The following OPCML variants were observed in gnomAD, a reference collection of about 807,000 sequenced individuals.
The protein encoded by OPCML is opioid binding protein/cell adhesion molecule like, also known as opioid-binding protein/cell adhesion molecule.
A neutral mutation model predicts 37.8 loss-of-function variants in OPCML; 13 were observed. The ratio of observed to expected loss-of-function variants is 0.34; its 90% CI spans 0.22 to 0.55. OPCML has a LOEUF of 0.55. Ranked by LOEUF, OPCML falls within the 20% of genes least tolerant of loss-of-function variation. The pLI, the probability that OPCML is intolerant of heterozygous loss-of-function variation, is 0.91. For missense variants in OPCML, 341 were observed against 435.6 expected (o/e 0.78, Z 1.93); for synonymous variants, 176 against 168.8 (o/e 1.04, Z -0.33).
intron 1 of OPCML, among the ~76,000 whole-genome samples, chr11:132,978,223 A>C (rs571652745): frequency 6.6e-6 from 1 of 152,328 alleles, no homozygotes; most frequent in African/African-American, 2.4e-5. Flanking sequence ...GATAAAAGGT[A>C]GGAAAATCGT....
At chr11:132,794,866 A>G (rs542918970) in intron 2 of OPCML, among the ~76,000 whole-genome samples, 1 of 151,360 alleles carries the variant, frequency 6.6e-6, no homozygotes, top group Non-Finnish European at 1.5e-5. Flanking sequence ...AATTTGACCT[A>G]TCAACCTAAC....
chr11:132,957,060 G>A (rs1464543969), intron 1 of OPCML, among the ~76,000 whole-genome samples: 1 of 152,224 alleles, frequency 6.6e-6, no homozygotes, highest in Admixed American at 6.5e-5. Flanking sequence ...GAGTCCAGGA[G>A]TTTGAGGCTG....
intron 2 of OPCML, among the ~76,000 whole-genome samples, chr11:132,695,462 G>A (rs550141914): frequency 2.0e-5 from 3 of 152,298 alleles, no homozygotes; most frequent in African/African-American, 7.2e-5. Context: ...GAAGGGCTGA[G>A]CATGAGAGCT....
chr11:132,918,567 T>G (rs1191292525), intron 2 of OPCML, among the ~76,000 whole-genome samples: 2 of 152,232 alleles, frequency 1.3e-5, no homozygotes, highest in African/African-American at 4.8e-5. Context: ...GGTCTTTGAT[T>G]TTTTTAAGTC....
At chr11:132,963,198 G>A (rs934045649) in intron 1 of OPCML, among the ~76,000 whole-genome samples, 12 of 152,094 alleles carry the variant, frequency 7.9e-5, no homozygotes, top group African/African-American at 2.9e-4. Flanking sequence ...GTGTGTTAAC[G>A]CTAACATCTC....
intron 1 of OPCML, among the ~76,000 whole-genome samples, chr11:133,138,084 C>T (rs1169206694): frequency 6.6e-6 from 1 of 152,132 alleles, no homozygotes; most frequent in Non-Finnish European, 1.5e-5. Context: ...GTGGATTCCT[C>T]ATGAATAGAT....
intron 1 of OPCML, among the ~76,000 whole-genome samples, chr11:133,284,126 G>A (rs1942235652): frequency 6.6e-6 from 1 of 152,124 alleles, no homozygotes. Flanking sequence ...ATGTCTTTAT[G>A]TTCTTACATT....
chr11:133,083,130 C>A (rs368915524), intron 1 of OPCML, among the ~76,000 whole-genome samples: 1 of 152,074 alleles, frequency 6.6e-6, no homozygotes, highest in African/African-American at 2.4e-5. Flanking sequence ...ATCACACACA[C>A]CACGCACACA....
chr11:132,783,637 AG>A (rs1264881487), intron 2 of OPCML, among the ~76,000 whole-genome samples: 2 of 152,180 alleles, frequency 1.3e-5, no homozygotes, highest in Non-Finnish European at 2.9e-5. Context: ...GCAAAAATCC[AG>A]GGGGGTGAAT....
chr11:133,054,929 C>T (rs1008351549), intron 1 of OPCML, among the ~76,000 whole-genome samples: 7 of 151,026 alleles, frequency 4.6e-5, no homozygotes, highest in African/African-American at 1.5e-4. Flanking sequence ...CCATATAATG[C>T]TGCCTCCATG....
At chr11:132,604,292 A>AG (rs1221448838) in intron 3 of OPCML, among the ~76,000 whole-genome samples, 1 of 151,674 alleles carries the variant, frequency 6.6e-6, no homozygotes, top group African/African-American at 2.4e-5. Context: ...AAAAAAAAAA[A>AG]TACAGGGAGG....
At chr11:133,433,698 A>G (rs1000915214) in intron 1 of OPCML, among the ~76,000 whole-genome samples, 5 of 152,128 alleles carry the variant, frequency 3.3e-5, no homozygotes, top group African/African-American at 1.2e-4. Flanking sequence ...CTCCATCCAG[A>G]GACATCTTCA....
At chr11:132,754,496 T>G (rs918985149) in intron 2 of OPCML, among the ~76,000 whole-genome samples, 2 of 152,162 alleles carry the variant, frequency 1.3e-5, no homozygotes, top group Non-Finnish European at 2.9e-5. Flanking sequence ...CACATGGAAC[T>G]GTAAGTCCAA....
intron 3 of OPCML, among the ~76,000 whole-genome samples, chr11:132,529,742 A>C (rs910564424): frequency 6.6e-6 from 1 of 152,152 alleles, no homozygotes; most frequent in East Asian, 1.9e-4. Flanking sequence ...AAAATCCCCA[A>C]TCATCCCTTA....
chr11:132,512,864 G>A (rs2137191708), intron 4 of OPCML, among the ~76,000 whole-genome samples: 1 of 151,976 alleles, frequency 6.6e-6, no homozygotes, highest in African/African-American at 2.4e-5. Flanking sequence ...ATAAGAAACA[G>A]GGAAGCTTTT....
At chr11:132,686,532 A>C (rs1943164042) in intron 2 of OPCML, among the ~76,000 whole-genome samples, 2 of 152,174 alleles carry the variant, frequency 1.3e-5, no homozygotes, top group Admixed American at 1.3e-4. Flanking sequence ...CTTCCAAAAC[A>C]TCGTGCCTCT....
At chr11:133,121,627 C>T (rs1949422328) in intron 1 of OPCML, among the ~76,000 whole-genome samples, 1 of 152,076 alleles carries the variant, frequency 6.6e-6, no homozygotes, top group Non-Finnish European at 1.5e-5. Flanking sequence ...CATTTTTACT[C>T]CCCAGGCTGG....
chr11:133,313,867 C>T (rs1943125916), intron 1 of OPCML, among the ~76,000 whole-genome samples: 1 of 152,014 alleles, frequency 6.6e-6, no homozygotes. Flanking sequence ...TTTGTGACAG[C>T]GATGATAGAA....
chr11:133,400,798 G>T (rs1012462169), intron 1 of OPCML, among the ~76,000 whole-genome samples: 3 of 152,152 alleles, frequency 2.0e-5, no homozygotes, highest in African/African-American at 7.2e-5. Flanking sequence ...AGGGTACCTG[G>T]TTTCAGATGC....
Sources: allele counts gnomAD v4.1 joint callset (sites outside exome capture counted in the v4.1 genomes callset), GRCh38; gene constraint gnomAD v4.1.1; transcripts MANE v1.5; gene names NCBI Gene and HGNC (gene_info 2026-07-23, HGNC 2026-07-21).